The following DNAI1 variants were observed in gnomAD, a reference collection of about 807,000 sequenced individuals.
DNAI1 encodes the protein dynein axonemal intermediate chain 1, also known as dynein, axonemal, intermediate polypeptide 1.
In DNAI1, 67 loss-of-function variants were observed where a neutral mutation model predicts 92.0. The ratio of observed to expected loss-of-function variants is 0.73; its 90% CI spans 0.60 to 0.89. The LOEUF (loss-of-function observed/expected upper bound fraction) is 0.89. DNAI1 is among the 40% of genes least tolerant of loss of function. The pLI, the probability that DNAI1 is intolerant of heterozygous loss-of-function variation, is 0.00. For missense variants in DNAI1, 839 were observed against 866.6 expected (o/e 0.97, Z 0.40); for synonymous variants, 323 against 319.6 (o/e 1.01, Z -0.11).
intron 11 of DNAI1, 74 bp downstream of exon 11, chr9:34,500,913 T>C (rs1197338945): frequency 8.3e-7 from 1 of 1,204,130 alleles, no homozygotes; most frequent in Non-Finnish European, 1.2e-6. Flanking sequence ...TACCCCCTTC[T>C]GCACTTAACC....
At chr9:34,518,573 C>T (rs139478903) in intron 19 of DNAI1, among the ~76,000 whole-genome samples, 231 of 152,352 alleles carry the variant, frequency 1.5e-3, no homozygotes, top group African/African-American at 5.1e-3. Flanking sequence ...AATCTCTTTG[C>T]TGAGCCCAGC....
intron 10 of DNAI1, among the ~76,000 whole-genome samples, chr9:34,497,646 G>A (rs762707064): frequency 5.3e-5 from 8 of 152,346 alleles, no homozygotes; most frequent in Admixed American, 2.6e-4. Flanking sequence ...ATGCCAGAAT[G>A]TATGGGGTAG....
At chr9:34,507,604 C>T (rs1432061207) in intron 13 of DNAI1, among the ~76,000 whole-genome samples, 2 of 152,114 alleles carry the variant, frequency 1.3e-5, no homozygotes, top group African/African-American at 4.8e-5. Flanking sequence ...ATAGTTGGAC[C>T]CATGTAGTTC....
chr9:34,468,897 A>G (rs1275201696), intron 1 of DNAI1, among the ~76,000 whole-genome samples: 1 of 152,012 alleles, frequency 6.6e-6, no homozygotes, highest in Non-Finnish European at 1.5e-5. Flanking sequence ...AAATAATAAT[A>G]ATAAAAGAGA....
At chr9:34,463,444 A>G (rs978549475) in intron 1 of DNAI1, among the ~76,000 whole-genome samples, 2 of 152,354 alleles carry the variant, frequency 1.3e-5, no homozygotes, top group South Asian at 4.1e-4. Context: ...TCAAAACATC[A>G]CTGGTAATGC....
intron 12 of DNAI1, among the ~76,000 whole-genome samples, chr9:34,503,072 T>C (rs1031238876): frequency 1.3e-5 from 2 of 152,148 alleles, no homozygotes; most frequent in South Asian, 4.2e-4. Context: ...GAGACAGAGG[T>C]AGTCTCCTAG....
intron 10 of DNAI1, among the ~76,000 whole-genome samples, chr9:34,497,824 C>G (rs971473467): frequency 6.6e-6 from 1 of 152,136 alleles, no homozygotes; most frequent in African/African-American, 2.4e-5. Flanking sequence ...ATGGCATGAG[C>G]AGTGTCTTGG....
chr9:34,470,128 A>C (rs1824111086), intron 1 of DNAI1, among the ~76,000 whole-genome samples: 1 of 152,234 alleles, frequency 6.6e-6, no homozygotes, highest in Non-Finnish European at 1.5e-5. Context: ...TAACCCTTAG[A>C]GCAACCACAC....
chr9:34,514,280 G>A, intron 16 of DNAI1, 114 bp from the exon 17 acceptor site: 1 of 1,386,758 alleles, frequency 7.2e-7, no homozygotes, highest in Non-Finnish European at 1.0e-6. Context: ...AGTTCAGCTG[G>A]GATGCGATGT....
intron 12 of DNAI1, among the ~76,000 whole-genome samples, chr9:34,503,136 C>T (rs1470821630): frequency 6.6e-6 from 1 of 152,120 alleles, no homozygotes; most frequent in Non-Finnish European, 1.5e-5. Flanking sequence ...GTCACTGGCT[C>T]TGGGGTTGTT....
intron 1 of DNAI1, among the ~76,000 whole-genome samples, chr9:34,477,050 A>G (rs1264562064): frequency 2.6e-5 from 4 of 151,930 alleles, no homozygotes; most frequent in African/African-American, 4.8e-5. Flanking sequence ...GGGTCTCGCT[A>G]TTTTGCCCAG....
intron 1 of DNAI1, among the ~76,000 whole-genome samples, chr9:34,467,178 C>T (rs1294923656): frequency 6.6e-6 from 1 of 152,130 alleles, no homozygotes; most frequent in Non-Finnish European, 1.5e-5. Context: ...CCTCAGGGGC[C>T]TCAGATTTCT....
chr9:34,476,683 A>G (rs1000821836), intron 1 of DNAI1, among the ~76,000 whole-genome samples: 2 of 152,178 alleles, frequency 1.3e-5, no homozygotes, highest in Non-Finnish European at 2.9e-5. Flanking sequence ...GTATTGAGGG[A>G]AGGGAGAAGG....
At chr9:34,468,087 A>G (rs4879794) in intron 1 of DNAI1, among the ~76,000 whole-genome samples, 27,035 of 152,180 alleles carry the variant, frequency 0.18, 2,626 homozygotes, top group East Asian at 0.33. Flanking sequence ...GTAGAAAAAT[A>G]CAATATCAGA....
chr9:34,491,420 T>C (rs1564033442), intron 7 of DNAI1, 75 bp from the exon 8 acceptor site: 2 of 1,551,972 alleles, frequency 1.3e-6, no homozygotes, highest in East Asian at 2.2e-5. Flanking sequence ...AATGCTTCTC[T>C]CAAAGATATA....
chr9:34,471,129 T>C (rs1054028751), intron 1 of DNAI1, among the ~76,000 whole-genome samples: 1 of 152,064 alleles, frequency 6.6e-6, no homozygotes, highest in African/African-American at 2.4e-5. Flanking sequence ...TTTTAAACGC[T>C]GTATTAGAAA....
chr9:34,484,530 ATTGT>A (rs1425847888), intron 2 of DNAI1, among the ~76,000 whole-genome samples: 3 of 152,230 alleles, frequency 2.0e-5, no homozygotes, highest in Admixed American at 6.5e-5. Flanking sequence ...TATAATTTTG[ATTGT>A]TAGTGAGAGT....
intron 1 of DNAI1, among the ~76,000 whole-genome samples, chr9:34,461,869 T>C (rs1823956892): frequency 6.6e-6 from 1 of 152,028 alleles, no homozygotes; most frequent in Non-Finnish European, 1.5e-5. Context: ...GGAATTCAGT[T>C]CAATGGGGGA....
At chr9:34,481,767 C>T (rs1020602786) in intron 1 of DNAI1, among the ~76,000 whole-genome samples, 1 of 152,088 alleles carries the variant, frequency 6.6e-6, no homozygotes, top group African/African-American at 2.4e-5. Context: ...CGTGGTCTTG[C>T]TGGGCTCAGG....
Sources: gnomAD v4.1 joint callset for allele counts (sites outside exome capture counted in the v4.1 genomes callset) on GRCh38, gnomAD v4.1.1 for gene constraint, MANE v1.5 for transcripts, NCBI Gene and HGNC (gene_info 2026-07-23, HGNC 2026-07-21) for gene names.